The following UNC5C variants were observed in gnomAD, a reference collection of about 807,000 sequenced individuals.
UNC5C encodes the protein netrin receptor UNC5C.
UNC5C carries 47 observed loss-of-function variants against 99.8 expected under a neutral mutation model. That is an observed-to-expected ratio of 0.47 (90% CI 0.37 to 0.60). The LOEUF is 0.60. Among genes scored for constraint, UNC5C ranks in the 20% least tolerant of loss-of-function variants. The pLI is 0.00. For synonymous variants in UNC5C, 487 were observed against 452.2 expected (o/e 1.08, Z -0.98); for missense variants, 1,062 against 1,165.9 (o/e 0.91, Z 1.30).
intron 1 of UNC5C, among the ~76,000 whole-genome samples, chr4:95,431,028 A>G (rs1746622257): frequency 6.6e-6 from 1 of 152,048 alleles, no homozygotes; most frequent in Non-Finnish European, 1.5e-5. Context: ...TGTGGACCCT[A>G]AAAGTACCAT....
chr4:95,420,780 G>A (rs1002266206), intron 1 of UNC5C, among the ~76,000 whole-genome samples: 1 of 152,132 alleles, frequency 6.6e-6, no homozygotes, highest in Non-Finnish European at 1.5e-5. Flanking sequence ...AGAAGGACTA[G>A]AAAAGGGAAA....
At chr4:95,319,500 T>C (rs1742600304) in intron 2 of UNC5C, among the ~76,000 whole-genome samples, 1 of 152,216 alleles carries the variant, frequency 6.6e-6, no homozygotes, top group Admixed American at 6.5e-5. Flanking sequence ...TGCTTACTTT[T>C]TTGCCAGACC....
intron 1 of UNC5C, among the ~76,000 whole-genome samples, chr4:95,429,611 T>C (rs1307032202): frequency 6.6e-6 from 1 of 152,142 alleles, no homozygotes; most frequent in African/African-American, 2.4e-5. Context: ...TCGAGGTGTT[T>C]GTATACTGAC....
chr4:95,290,928 G>A (rs1419908703), intron 3 of UNC5C, among the ~76,000 whole-genome samples: 2 of 152,008 alleles, frequency 1.3e-5, no homozygotes, highest in Non-Finnish European at 2.9e-5. Flanking sequence ...TTCTTCAGTC[G>A]TGCCAAGCCC....
intron 9 of UNC5C, among the ~76,000 whole-genome samples, chr4:95,218,480 GAA>G (rs1738341305): frequency 6.6e-6 from 1 of 152,194 alleles, no homozygotes; most frequent in Non-Finnish European, 1.5e-5. Context: ...ACTGTGAGGT[GAA>G]AGACTGTGTG....
chr4:95,451,808 A>G (rs1237759383), intron 1 of UNC5C, among the ~76,000 whole-genome samples: 1 of 152,198 alleles, frequency 6.6e-6, no homozygotes, highest in East Asian at 1.9e-4. Context: ...AATGAGATAA[A>G]TGTTAAATTA....
At chr4:95,335,150 C>T (rs953920175) in intron 2 of UNC5C, among the ~76,000 whole-genome samples, 3 of 151,904 alleles carry the variant, frequency 2.0e-5, no homozygotes, top group African/African-American at 4.8e-5. Context: ...TCTATTCATT[C>T]GCATTATTTA....
At chr4:95,457,869 C>T (rs1453497172) in intron 1 of UNC5C, among the ~76,000 whole-genome samples, 1 of 152,168 alleles carries the variant, frequency 6.6e-6, no homozygotes, top group African/African-American at 2.4e-5. Context: ...AGGATCTGAA[C>T]GTCGGATGAG....
intron 1 of UNC5C, among the ~76,000 whole-genome samples, chr4:95,460,071 A>T (rs1578175488): frequency 6.6e-6 from 1 of 152,254 alleles, no homozygotes; most frequent in East Asian, 1.9e-4. Context: ...TTTGAATCAA[A>T]TAGAAGAAAA....
At chr4:95,418,421 T>C (rs181140254) in intron 1 of UNC5C, among the ~76,000 whole-genome samples, 2 of 152,320 alleles carry the variant, frequency 1.3e-5, no homozygotes, top group East Asian at 3.9e-4. Flanking sequence ...TTTTAAGCAA[T>C]TTTTAGACTA....
At chr4:95,462,296 C>G (rs565579182) in intron 1 of UNC5C, among the ~76,000 whole-genome samples, 1 of 152,240 alleles carries the variant, frequency 6.6e-6, no homozygotes, top group African/African-American at 2.4e-5. Flanking sequence ...GACATTCAAA[C>G]TAGTCACAGG....
intron 2 of UNC5C, among the ~76,000 whole-genome samples, chr4:95,307,578 C>T (rs1432652437): frequency 6.6e-6 from 1 of 152,092 alleles, no homozygotes; most frequent in Non-Finnish European, 1.5e-5. Context: ...TCAAACTCTT[C>T]CAAAAAATTA....
intron 4 of UNC5C, among the ~76,000 whole-genome samples, chr4:95,260,364 G>A (rs1459700460): frequency 6.6e-6 from 1 of 152,092 alleles, no homozygotes; most frequent in African/African-American, 2.4e-5. Flanking sequence ...AAACAGTTCT[G>A]AGCCCATTCT....
chr4:95,239,557 T>G (rs946979734), intron 7 of UNC5C, among the ~76,000 whole-genome samples: 1 of 152,124 alleles, frequency 6.6e-6, no homozygotes, highest in African/African-American at 2.4e-5. Context: ...CCGCTCCTGG[T>G]TATATTGGTG....
At chr4:95,179,878 T>C (rs1197127932) in intron 14 of UNC5C, among the ~76,000 whole-genome samples, 1 of 151,390 alleles carries the variant, frequency 6.6e-6, no homozygotes, top group Non-Finnish European at 1.5e-5. Flanking sequence ...CATGCTACCT[T>C]CTTTTCTCTG....
intron 1 of UNC5C, among the ~76,000 whole-genome samples, chr4:95,528,892 A>C (rs527266855): frequency 1.7e-4 from 26 of 152,316 alleles, no homozygotes; most frequent in African/African-American, 5.5e-4. Context: ...CTGTGAGTTA[A>C]AAGAACAGTT....
At chr4:95,432,197 G>A (rs573061394) in intron 1 of UNC5C, among the ~76,000 whole-genome samples, 6 of 152,096 alleles carry the variant, frequency 3.9e-5, no homozygotes, top group Admixed American at 1.3e-4. Flanking sequence ...ATGGTGCTAC[G>A]GTAAAAGGAT....
chr4:95,501,211 T>C (rs983431454), intron 1 of UNC5C, among the ~76,000 whole-genome samples: 5 of 152,106 alleles, frequency 3.3e-5, no homozygotes, highest in Non-Finnish European at 5.9e-5. Flanking sequence ...TGCTTTTTAA[T>C]GACATATAAG....
chr4:95,444,404 C>T (rs539463735), intron 1 of UNC5C, among the ~76,000 whole-genome samples: 2 of 151,324 alleles, frequency 1.3e-5, no homozygotes, highest in South Asian at 4.2e-4. Context: ...GATCTCCGCT[C>T]ACTGCAGGAT....
Sources: allele counts gnomAD v4.1 joint callset (sites outside exome capture counted in the v4.1 genomes callset), GRCh38; gene constraint gnomAD v4.1.1; transcripts MANE v1.5; gene names NCBI Gene and HGNC (gene_info 2026-07-23, HGNC 2026-07-21).